The following TAPT1 variants were observed in gnomAD, a reference collection of about 807,000 sequenced individuals.
TAPT1 encodes the protein transmembrane anterior posterior transformation 1.
Under a neutral mutation model 65.6 loss-of-function variants are expected in TAPT1, and 28 were observed. That is an observed-to-expected ratio of 0.43 (90% CI 0.32 to 0.59). The LOEUF (loss-of-function observed/expected upper bound fraction) is 0.59. Among genes scored for constraint, TAPT1 ranks in the 20% least tolerant of loss-of-function variants. The pLI is 0.09. For missense variants in TAPT1, 563 were observed against 679.9 expected, an observed-to-expected ratio of 0.83 and a Z score of 1.91; for synonymous variants, 278 against 245.2, an observed-to-expected ratio of 1.13 and a Z score of -1.25.
In TAPT1 at chr4:16,166,796, A is replaced by T. The variant is rs1578406054; in HGVS notation, c.1314-3T>A. 1 of 1,613,132 alleles carries T rather than the reference A, an allele frequency of 6.2e-7. No individual in the cohort carries two copies. Among genetic ancestry groups the T allele is most frequent in the Non-Finnish European group, 8.5e-7 (1 of 1,179,196 alleles). ...TAAGTACTTTCAGGGATATCAACCT[A>T]AAAACAGAAACAAAACAAACCACAT... On this transcript the variant is annotated splice_polypyrimidine_tract_variant and splice_region_variant and intron_variant, in intron 12 of 13. Transcript: ENST00000405303.
chr4:16,212,143 T>G (rs1750682849), intron 2 of TAPT1, among the ~76,000 whole-genome samples: 1 of 152,200 alleles, frequency 6.6e-6, no homozygotes, highest in South Asian at 2.1e-4. Flanking sequence ...CAACCCACTT[T>G]GAAGCAGTCC....
At chr4:16,219,415 C>G (rs1328268084) in intron 1 of TAPT1, among the ~76,000 whole-genome samples, 1 of 152,200 alleles carries the variant, frequency 6.6e-6, no homozygotes. Flanking sequence ...CATGAACTTT[C>G]TAAGAGCAGG....
intron 11 of TAPT1, 122 bp from the exon 12 acceptor site, chr4:16,170,851 G>C (rs928712300): frequency 1.5e-6 from 1 of 669,112 alleles, no homozygotes; most frequent in Non-Finnish European, 2.5e-6. Flanking sequence ...ATATATCTAT[G>C]GCCTTTGTCT....
At chr4:16,179,748 AATT>A (rs1748591646) in intron 7 of TAPT1, 91 bp from the exon 8 acceptor site, 1 of 593,738 alleles carries the variant, frequency 1.7e-6, no homozygotes, top group African/African-American at 2.0e-5. Context: ...AACATGATGA[AATT>A]ATTAGACGAT....
At chr4:16,226,632 TGCCGCC>T (rs962928734), upstream of TAPT1, 9 of 218,632 alleles carry the variant, frequency 4.1e-5, no homozygotes, top group African/African-American at 1.7e-4. Context: ...GTGAGGCCGC[TGCCGCC>T]GCCGCCGCCG....
intron 3 of TAPT1, among the ~76,000 whole-genome samples, chr4:16,198,037 C>T (rs1310270714): frequency 6.6e-6 from 1 of 152,108 alleles, no homozygotes; most frequent in Admixed American, 6.6e-5. Context: ...ACCCTGCCAA[C>T]ATCTCATAAT....
intron 1 of TAPT1, among the ~76,000 whole-genome samples, chr4:16,222,046 C>A (rs534245296): frequency 5.4e-4 from 82 of 152,224 alleles, no homozygotes; most frequent in Admixed American, 9.2e-4. Context: ...CAGGTATAAA[C>A]AAAGGAGTGA....
intron 3 of TAPT1, among the ~76,000 whole-genome samples, chr4:16,197,130 G>T (rs1157445703): frequency 6.6e-6 from 1 of 152,098 alleles, no homozygotes; most frequent in East Asian, 1.9e-4. Context: ...TCATAATTCT[G>T]GGAGACAAGA....
At chr4:16,182,597 C>G (rs963524501) in intron 7 of TAPT1, among the ~76,000 whole-genome samples, 1 of 152,172 alleles carries the variant, frequency 6.6e-6, no homozygotes, top group African/African-American at 2.4e-5. Context: ...TGCAGATATG[C>G]AGGCTTCTAA....
intron 1 of TAPT1, among the ~76,000 whole-genome samples, chr4:16,219,242 A>C (rs559573969): frequency 6.0e-4 from 92 of 152,292 alleles, no homozygotes; most frequent in African/African-American, 2.2e-3. Context: ...TCACCATTAG[A>C]TAGCTTTGCC....
intron 12 of TAPT1, among the ~76,000 whole-genome samples, chr4:16,169,992 G>A (rs1389845405): frequency 1.3e-5 from 2 of 152,182 alleles, no homozygotes; most frequent in African/African-American, 2.4e-5. Flanking sequence ...CTAGGCGAGG[G>A]TGGAACAGGT....
chr4:16,193,096 T>C (rs1379219484), intron 3 of TAPT1, among the ~76,000 whole-genome samples: 2 of 152,246 alleles, frequency 1.3e-5, no homozygotes, highest in East Asian at 3.8e-4. Context: ...CACTGTATGA[T>C]GTTTTCAGTT....
intron 2 of TAPT1, among the ~76,000 whole-genome samples, chr4:16,207,112 A>T (rs1260137779): frequency 6.6e-6 from 1 of 152,190 alleles, no homozygotes; most frequent in Non-Finnish European, 1.5e-5. Context: ...GGGCTGGGGG[A>T]CAAGGAGGGG....
At chr4:16,192,937 T>G (rs1749458096) in intron 3 of TAPT1, among the ~76,000 whole-genome samples, 1 of 152,222 alleles carries the variant, frequency 6.6e-6, no homozygotes, top group African/African-American at 2.4e-5. Context: ...TCCTAATGCT[T>G]TTCCTCCAAA....
intron 1 of TAPT1, among the ~76,000 whole-genome samples, chr4:16,224,054 G>A (rs1438603998): frequency 2.0e-5 from 3 of 152,206 alleles, no homozygotes; most frequent in Non-Finnish European, 2.9e-5. Context: ...CTCAAGGGCA[G>A]TGGTGCTAGA....
intron 9 of TAPT1, 152 bp from the exon 10 acceptor site, chr4:16,174,881 T>C: frequency 1.9e-6 from 1 of 536,242 alleles, no homozygotes; most frequent in Non-Finnish European, 3.2e-6. Context: ...TTATTTGTTT[T>C]CCTACAGTAA....
intron 3 of TAPT1, 101 bp from the exon 4 acceptor site, chr4:16,191,624 A>C (rs1749378263): frequency 1.6e-6 from 2 of 1,220,018 alleles, no homozygotes; most frequent in Admixed American, 2.8e-5. Context: ...AAAGGTAAAA[A>C]TAAGAATTAT....
At chr4:16,173,195 AT>A (rs916970792) in intron 11 of TAPT1, among the ~76,000 whole-genome samples, 7 of 151,666 alleles carry the variant, frequency 4.6e-5, no homozygotes, top group Non-Finnish European at 7.4e-5. Context: ...CAGCCAGCAA[AT>A]TTTTTTTTCT....
chr4:16,206,284 C>CA (rs1175157574), intron 2 of TAPT1, among the ~76,000 whole-genome samples: 2 of 152,226 alleles, frequency 1.3e-5, no homozygotes, highest in Non-Finnish European at 2.9e-5. Context: ...TAGGACTATG[C>CA]ACATAGAATG....
Sources: gnomAD v4.1 joint callset for allele counts (sites outside exome capture counted in the v4.1 genomes callset) on GRCh38, gnomAD v4.1.1 for gene constraint, MANE v1.5 for transcripts, NCBI Gene and HGNC (gene_info 2026-07-23, HGNC 2026-07-21) for gene names.